PLA2G4A: variants seen among roughly 807,000 people sequenced by gnomAD.
The protein encoded by PLA2G4A is cytosolic phospholipase A2.
Under a neutral mutation model 81.9 loss-of-function variants are expected in PLA2G4A, and 40 were observed. That is an observed-to-expected ratio of 0.49 (90% CI 0.38 to 0.64). The LOEUF is 0.64. PLA2G4A is among the 30% of genes least tolerant of loss of function. The pLI, the probability that PLA2G4A is intolerant of heterozygous loss-of-function variation, is 0.00. For synonymous variants in PLA2G4A, 302 were observed against 296.9 expected (o/e 1.02, Z -0.18); for missense variants, 715 against 905.1 (o/e 0.79, Z 2.69).
intron 2 of PLA2G4A, among the ~76,000 whole-genome samples, chr1:186,865,528 G>T (rs1652993714): frequency 2.0e-5 from 3 of 152,088 alleles, no homozygotes; most frequent in East Asian, 3.9e-4. Flanking sequence ...TTCTGAGAAG[G>T]TGCCTATTGC....
chr1:186,926,762 G>A (rs1443400481), intron 7 of PLA2G4A, among the ~76,000 whole-genome samples: 2 of 152,180 alleles, frequency 1.3e-5, no homozygotes, highest in Non-Finnish European at 2.9e-5. Flanking sequence ...CTTGTAAAAT[G>A]ATGATAATGT....
chr1:186,892,983 CCTT>C, intron 3 of PLA2G4A, 25 bp from the exon 4 acceptor site: 2 of 1,566,628 alleles, frequency 1.3e-6, no homozygotes, highest in Middle Eastern at 1.7e-4. Flanking sequence ...ATTTCTACCT[CCTT>C]CTTGTTTGTG....
chr1:186,932,742 C>A, intron 7 of PLA2G4A, 21 bp from the exon 8 acceptor site: 1 of 1,611,150 alleles, frequency 6.2e-7, no homozygotes, highest in Non-Finnish European at 8.5e-7. Context: ...GTGTACAAAT[C>A]TCTCTGTTGC....
At chr1:186,925,488 C>T (rs1655515247) in intron 7 of PLA2G4A, among the ~76,000 whole-genome samples, 1 of 152,186 alleles carries the variant, frequency 6.6e-6, no homozygotes, top group African/African-American at 2.4e-5. Context: ...TCTTTACTCC[C>T]TCCCAGTAAG....
intron 1 of PLA2G4A, among the ~76,000 whole-genome samples, chr1:186,838,289 G>A (rs753049971): frequency 1.3e-5 from 2 of 151,986 alleles, no homozygotes; most frequent in African/African-American, 4.8e-5. Context: ...AGTTTTTAAA[G>A]ACAGAAAGAA....
intron 7 of PLA2G4A, among the ~76,000 whole-genome samples, chr1:186,920,180 G>A (rs185560885): frequency 3.5e-4 from 54 of 152,240 alleles, no homozygotes; most frequent in Admixed American, 3.3e-3. Flanking sequence ...CTGACCATAA[G>A]AGCCATGATA....
chr1:186,888,112 A>C (rs1654002644), intron 3 of PLA2G4A, among the ~76,000 whole-genome samples: 1 of 152,194 alleles, frequency 6.6e-6, no homozygotes, highest in Non-Finnish European at 1.5e-5. Context: ...CTGGACATAC[A>C]TTTTAGAAAG....
chr1:186,913,761 G>A (rs1018517216), intron 7 of PLA2G4A, among the ~76,000 whole-genome samples: 1 of 151,856 alleles, frequency 6.6e-6, no homozygotes, highest in Admixed American at 6.6e-5. Context: ...TTAATTTCTT[G>A]GAATTCATTC....
At chr1:186,868,201 A>C (rs1038011016) in intron 2 of PLA2G4A, among the ~76,000 whole-genome samples, 1 of 150,958 alleles carries the variant, frequency 6.6e-6, no homozygotes, top group Non-Finnish European at 1.5e-5. Flanking sequence ...CAGCCTCCCA[A>C]GTAGCTGGGA....
intron 17 of PLA2G4A, among the ~76,000 whole-genome samples, chr1:186,984,439 G>T (rs1254077281): frequency 6.6e-6 from 1 of 152,138 alleles, no homozygotes; most frequent in African/African-American, 2.4e-5. Flanking sequence ...CCAGTTATGT[G>T]TCACATTATT....
intron 7 of PLA2G4A, among the ~76,000 whole-genome samples, chr1:186,919,070 G>C (rs1053699283): frequency 6.6e-6 from 1 of 152,236 alleles, no homozygotes; most frequent in Admixed American, 6.5e-5. Context: ...CTGACACATA[G>C]AGTGTAAAGG....
At chr1:186,889,989 C>G (rs1416023475) in intron 3 of PLA2G4A, among the ~76,000 whole-genome samples, 2 of 152,162 alleles carry the variant, frequency 1.3e-5, no homozygotes, top group East Asian at 1.9e-4. Context: ...TGATATTGGA[C>G]AGAATGCTTA....
At chr1:186,926,060 T>C (rs1655537005) in intron 7 of PLA2G4A, among the ~76,000 whole-genome samples, 1 of 152,134 alleles carries the variant, frequency 6.6e-6, no homozygotes, top group Non-Finnish European at 1.5e-5. Flanking sequence ...GAAACACCGG[T>C]TAAGGAGAAG....
At chr1:186,862,024 T>C (rs569101745) in intron 2 of PLA2G4A, among the ~76,000 whole-genome samples, 3 of 149,974 alleles carry the variant, frequency 2.0e-5, no homozygotes, top group African/African-American at 4.9e-5. Flanking sequence ...TTAACATGAG[T>C]GTAGAAATAA....
intron 7 of PLA2G4A, among the ~76,000 whole-genome samples, chr1:186,924,060 C>A (rs1655458357): frequency 6.6e-6 from 1 of 152,216 alleles, no homozygotes; most frequent in Admixed American, 6.5e-5. Flanking sequence ...AGATACCCAT[C>A]AGATATGGAT....
intron 5 of PLA2G4A, among the ~76,000 whole-genome samples, chr1:186,903,550 C>T (rs746969541): frequency 1.7e-4 from 26 of 152,200 alleles, no homozygotes; most frequent in African/African-American, 6.3e-4. Context: ...CCCCATCACT[C>T]GCATTGCTGC....
chr1:186,870,527 T>C lies in PLA2G4A; in HGVS notation c.115+11T>C, dbSNP rs777281779. 2 of 1,562,900 alleles carry C rather than the reference T, an allele frequency of 1.3e-6. No homozygotes were observed. Among genetic ancestry groups the C allele is most frequent in the South Asian group, 2.2e-5 (2 of 89,724 alleles). Reference sequence around the variant, plus strand: ...CCTTTGGTGACATGCGTAAGTGCCCTTTTTTTCTTTGCTGTTAAACATGTA... The same window carrying C: ...CCTTTGGTGACATGCGTAAGTGCCCCTTTTTTCTTTGCTGTTAAACATGTA... On this transcript the variant is annotated intron_variant, in intron 3 of 17. Coordinates refer to ENST00000367466, the MANE Select transcript of PLA2G4A (RefSeq NM_024420.3).
chr1:186,859,806 C>T (rs1390986187), intron 2 of PLA2G4A, among the ~76,000 whole-genome samples: 1 of 152,146 alleles, frequency 6.6e-6, no homozygotes, highest in Non-Finnish European at 1.5e-5. Context: ...GACACGTAGA[C>T]TCTGACTTTT....
intron 2 of PLA2G4A, among the ~76,000 whole-genome samples, 180 bp downstream of exon 2, chr1:186,854,567 A>G (rs1051830023): frequency 1.3e-5 from 2 of 151,936 alleles, no homozygotes; most frequent in Non-Finnish European, 2.9e-5. Flanking sequence ...TTATCTCTTC[A>G]TTTTATTACT....
Sources: gnomAD v4.1 joint callset for allele counts (sites outside exome capture counted in the v4.1 genomes callset) on GRCh38, gnomAD v4.1.1 for gene constraint, MANE v1.5 for transcripts, NCBI Gene and HGNC (gene_info 2026-07-23, HGNC 2026-07-21) for gene names.